Variants in ING4 observed in about 807,000 individuals in gnomAD.
ING4 encodes the protein inhibitor of growth protein 4.
Under a neutral mutation model 33.1 loss-of-function variants are expected in ING4, and 28 were observed. That is an observed-to-expected ratio of 0.85 (90% CI 0.63 to 1.16). The LOEUF (loss-of-function observed/expected upper bound fraction) is 1.16, where lower values mean the gene tolerates loss of function less well. Ranked by LOEUF, ING4 falls within the 50% of genes most tolerant of loss-of-function variation. ING4 has a pLI of 0.00. For missense variants in ING4, 247 were observed against 314.7 expected (o/e 0.78, Z 1.63); for synonymous variants, 87 against 104.4 (o/e 0.83, Z 1.02).
In ING4 at chr12:6,662,889, G is replaced by A. The variant is rs930011847; in HGVS notation, c.37+176C>T. Among the ~76,000 whole-genome samples the A allele has an allele frequency of 3.3e-5, 5 of 151,942 alleles. No individual in the cohort carries two copies. The East Asian group carries it at 7.7e-4, about 23-fold the overall frequency. On this transcript the variant is annotated intron_variant, in intron 1 of 7. Coordinates refer to ENST00000341550, the MANE Select transcript of ING4 (RefSeq NM_016162.4). ...CTCCCTCGTCTACACCCATCAGCGG[G>A]GCCTCGATCCTGCTGCCCCGCCCCC...
rs148498382 is a variant in ING4 at position 6,655,713 on chromosome 12, GTAAC to G, written c.109+1010_109+1013del. Reference sequence around the variant, plus strand: ...TCACCTTTTCATGTGTAAACTCAGAGTAACTTAAGACACAGCTTCATGTATCTCA... The same window carrying G: ...TCACCTTTTCATGTGTAAACTCAGAGTTAAGACACAGCTTCATGTATCTCA... On this transcript the variant is annotated intron_variant, in intron 2 of 7. Transcript: ENST00000341550. 1,245 of 603,568 alleles carry G rather than the reference GTAAC, an allele frequency of 2.1e-3. 19 individuals are homozygous for G. The African/African-American group carries it at 0.023, about 11-fold the overall frequency. The allele number at this position is 603,568 out of a possible 1,614,324, so 37.4% of individuals were successfully genotyped here.
At chr12:6,652,225 T>C in intron 6 of ING4, 46 bp downstream of exon 6, 6 of 1,598,670 alleles carry the variant, frequency 3.8e-6, no homozygotes, top group African/African-American at 1.3e-5. Context: ...ACCCACTCCC[T>C]TCATGCCCCT....
chr12:6,659,768 G>A (rs1268259443), intron 1 of ING4, among the ~76,000 whole-genome samples: 1 of 149,422 alleles, frequency 6.7e-6, no homozygotes, highest in East Asian at 2.0e-4. Flanking sequence ...AGCCGAGATC[G>A]CTCCACTGCA....
In ING4 at chr12:6,651,334, G is replaced by A; in HGVS notation, c.697C>T (p.Arg233Trp). 3.7e-6 allele frequency: 6 copies of A among 1,614,102 alleles called. No individual in the cohort carries two copies. The highest frequency in any genetic ancestry group is 5.1e-6 in the Non-Finnish European group (6 of 1,179,986). The change falls in exon 7 of 8, where the codon CGG becomes TGG. Residue 233 changes from arginine to tryptophan, a missense_variant. Arg to Trp is a moderately radical substitution (Grantham distance 101). Around this residue, in one of 3 missense-constraint regions of ING4, gnomAD observed 38 missense variants for 49.7 expected, o/e 0.77. Transcript: ENST00000341550. ...ACTCCTGCCACTTACCATTTCCCCC[G>A]AGGCTTGGTTGTCAGCCCCACACAG... Reference protein sequence around the residue: ...FACVGLTTKPRGKWFCPRCSQ... With the variant: ...FACVGLTTKPWGKWFCPRCSQ...
In ING4 at chr12:6,659,538, C is replaced by T. The variant is rs139096775; in HGVS notation, c.38-2740G>A. The stretch of plus-strand genomic sequence containing the variant: ...AAAACAAAACAAAAATTAGGCCAGG[C>T]GCGGTGGCTCACACCTGTAATCCCG... On this transcript the variant is annotated intron_variant, in intron 1 of 7. Transcript: ENST00000341550. Among the ~76,000 whole-genome samples the T allele has an allele frequency of 2.3e-4, 35 of 151,582 alleles. No individual in the cohort carries two copies. In the East Asian group the frequency reaches 6.4e-3, roughly 28 times the overall value.
At chr12:6,656,512 A>G in intron 2 of ING4, 1 of 467,610 alleles carries the variant, frequency 2.1e-6, no homozygotes, top group Non-Finnish European at 3.7e-6. Context: ...GCATCTTTGA[A>G]TTCTTGAGGC....
At chr12:6,653,180 C>A (rs1282523810) in intron 3 of ING4, 50 bp downstream of exon 3, 2 of 1,609,132 alleles carry the variant, frequency 1.2e-6, no homozygotes, top group South Asian at 1.1e-5. Context: ...GGGTCTAAGA[C>A]CCTGAGGATT....
intron 1 of ING4, among the ~76,000 whole-genome samples, chr12:6,660,239 C>T (rs1447330730): frequency 2.0e-5 from 3 of 152,122 alleles, no homozygotes; most frequent in African/African-American, 4.8e-5. Context: ...GCAGGTAGAT[C>T]GCTTGATCTC....
intron 1 of ING4, among the ~76,000 whole-genome samples, chr12:6,661,413 T>TG (rs775689156): frequency 0.055 from 7,277 of 133,046 alleles, 329 homozygotes; most frequent in Middle Eastern, 0.13. Flanking sequence ...TTTGTTTTTT[T>TG]TTTTTTTTTT....
chr12:6,659,019 T>C (rs1949461601), intron 1 of ING4, among the ~76,000 whole-genome samples: 1 of 152,228 alleles, frequency 6.6e-6, no homozygotes, highest in South Asian at 2.1e-4. Flanking sequence ...TGTTCGTTCT[T>C]CCAAAGTTCA....
chr12:6,656,862 G>A (rs1209954151), intron 1 of ING4, 64 bp from the exon 2 acceptor site: 9 of 1,035,634 alleles, frequency 8.7e-6, no homozygotes, highest in Non-Finnish European at 1.3e-5. Context: ...TCCTTTTAAA[G>A]TGCAGTTCAG....
chr12:6,661,411 T>TG (rs1480829122), intron 1 of ING4, among the ~76,000 whole-genome samples: 28 of 141,654 alleles, frequency 2.0e-4, no homozygotes, highest in African/African-American at 6.7e-4. Flanking sequence ...CCTTTGTTTT[T>TG]TTTTTTTTTT....
At chr12:6,655,263 C>CA (rs914872269) in intron 2 of ING4, among the ~76,000 whole-genome samples, 2 of 152,136 alleles carry the variant, frequency 1.3e-5, no homozygotes, top group African/African-American at 4.8e-5. Flanking sequence ...AGGCTGATCT[C>CA]AAACTCCTTA....
chr12:6,653,776 C>G (rs1949260049), intron 2 of ING4, among the ~76,000 whole-genome samples: 1 of 152,256 alleles, frequency 6.6e-6, no homozygotes, highest in African/African-American at 2.4e-5. Context: ...AAACATCCCA[C>G]AGCAGTTGTC....
rs529175298 is a variant in ING4 at position 6,658,022 on chromosome 12, C to T, written c.38-1224G>A. The stretch of plus-strand genomic sequence containing the variant: ...TTGCCCAGGCTGGAGTGCAGTGGCA[C>T]GATCTTGGCTCACTGCAGCCTCCAC... On this transcript the variant is annotated intron_variant, in intron 1 of 7. Transcript: ENST00000341550. 1.5e-4 allele frequency among the ~76,000 whole-genome samples: 23 copies of T among 151,586 alleles called. 1 individual carries two copies. The highest frequency in any genetic ancestry group is 2.0e-4 in the Admixed American group (3 of 15,244).
chr12:6,656,894 C>T, intron 1 of ING4, 96 bp from the exon 2 acceptor site: 3 of 729,940 alleles, frequency 4.1e-6, no homozygotes, highest in Non-Finnish European at 4.4e-6. Context: ...TGGCTCACGC[C>T]TGCAATCCCA....
chr12:6,662,217 A>G (rs941632238), intron 1 of ING4, among the ~76,000 whole-genome samples: 2 of 152,066 alleles, frequency 1.3e-5, no homozygotes, highest in Non-Finnish European at 2.9e-5. Flanking sequence ...CTATTCAAAC[A>G]TCACCTCCGC....
At position 6,653,073 on chromosome 12, in the gene ING4, GGA is replaced by G. The variant is rs1195189167; in HGVS notation, c.277-25_277-24del. ...CACCTGGGTGGAAAGGAAGGAGAAAGGAGAGGTACAAAACTATCTCCAATTAA... is the reference window on the plus strand; with the variant it reads ...CACCTGGGTGGAAAGGAAGGAGAAAGGAGGTACAAAACTATCTCCAATTAA... On this transcript the variant is annotated intron_variant, in intron 3 of 7. Coordinates refer to ENST00000341550, the MANE Select transcript of ING4 (RefSeq NM_016162.4). 6 of 1,611,128 alleles carry G rather than the reference GGA, an allele frequency of 3.7e-6. No individual in the cohort carries two copies. The East Asian group carries it at 1.3e-4, about 36-fold the overall frequency.
intron 1 of ING4, among the ~76,000 whole-genome samples, chr12:6,662,348 A>T (rs1949582418): frequency 1.3e-5 from 2 of 152,136 alleles, no homozygotes; most frequent in African/African-American, 4.8e-5. Flanking sequence ...AATTATTTGC[A>T]GAATCTGTTT....
Sources: allele counts gnomAD v4.1 joint callset (sites outside exome capture counted in the v4.1 genomes callset), GRCh38; gene constraint gnomAD v4.1.1; regional missense constraint gnomAD v4.1.1; transcripts MANE v1.5; gene names NCBI Gene and HGNC (gene_info 2026-07-23, HGNC 2026-07-21).